KDM2B: variants seen among roughly 807,000 people sequenced by gnomAD.
The protein encoded by KDM2B is lysine-specific demethylase 2B.
KDM2B carries 26 observed loss-of-function variants against 150.0 expected under a neutral mutation model. That is an observed-to-expected ratio of 0.17 (90% CI 0.13 to 0.24). KDM2B has a LOEUF of 0.24. Among genes scored for constraint, KDM2B ranks in the 10% least tolerant of loss-of-function variants. The pLI, the probability that KDM2B is intolerant of heterozygous loss-of-function variation, is 1.00. For synonymous variants in KDM2B, 734 were observed against 729.5 expected (o/e 1.01, Z -0.10); for missense variants, 1,265 against 1,816.9 (o/e 0.70, Z 5.52).
intron 12 of KDM2B, among the ~76,000 whole-genome samples, chr12:121,481,763 T>TTTTTG (rs1555297926): frequency 5.4e-5 from 8 of 148,812 alleles, no homozygotes; most frequent in East Asian, 2.0e-4. Flanking sequence ...TTAGGGTTTT[T>TTTTTG]TTTGTTTGTT....
Position 121,580,438 on chromosome 12 carries a change from G to A in KDM2B, c.126+348C>T, listed in dbSNP as rs1309924900. 4.3e-6 allele frequency: 5 copies of A among 1,162,792 alleles called. No individual in the cohort carries two copies. In the African/African-American group the frequency reaches 8.0e-5, roughly 19 times the overall value. The allele number at this position is 1,162,792 out of a possible 1,614,324, so 72.0% of individuals were successfully genotyped here. A position where few individuals can be genotyped will look rare whatever the true frequency, so the allele number is the denominator to read the frequency against. ...AGGCACCGGGCGCCGTTAGCGCCGTGGCATCGCTGTTTTGTTGTTGGGTCA... is the reference window on the plus strand; with the variant it reads ...AGGCACCGGGCGCCGTTAGCGCCGTAGCATCGCTGTTTTGTTGTTGGGTCA... On this transcript the variant is annotated intron_variant, in intron 1 of 22. Transcript: ENST00000377071.
chr12:121,548,032 G>A (rs1555311057), intron 6 of KDM2B, among the ~76,000 whole-genome samples: 1 of 152,148 alleles, frequency 6.6e-6, no homozygotes, highest in Non-Finnish European at 1.5e-5. Context: ...CTTGAACATG[G>A]AGGGGCTCAA....
At chr12:121,471,380 C>A (rs1360779568) in intron 12 of KDM2B, among the ~76,000 whole-genome samples, 1 of 152,160 alleles carries the variant, frequency 6.6e-6, no homozygotes, top group Non-Finnish European at 1.5e-5. Flanking sequence ...AGTCCTCCTC[C>A]ATCACAATTG....
intron 4 of KDM2B, among the ~76,000 whole-genome samples, chr12:121,572,821 A>C (rs2136509503): frequency 7.9e-6 from 1 of 126,826 alleles, no homozygotes; most frequent in African/African-American, 3.0e-5. Flanking sequence ...CACCTGGATA[A>C]ATTTTTTTTT....
At chr12:121,455,016 C>T (rs1387925250) in intron 12 of KDM2B, among the ~76,000 whole-genome samples, 5 of 152,186 alleles carry the variant, frequency 3.3e-5, no homozygotes, top group Admixed American at 6.5e-5. Flanking sequence ...CTTTCTTCTC[C>T]AGTGCAGTGG....
rs1891935117 is a variant in KDM2B at position 121,580,981 on chromosome 12, T to A, written c.-70A>T. 15 of 1,563,100 alleles carry A rather than the reference T, an allele frequency of 9.6e-6. No homozygotes were observed. The highest frequency in any genetic ancestry group is 1.3e-5 in the Non-Finnish European group (15 of 1,157,472). On this transcript the variant is annotated 5_prime_UTR_variant, in exon 1 of 23. The change creates a new upstream start codon in the 5' untranslated region. Transcript: ENST00000377071. ...TCCATACCTATAAGGACTGCCTAAC[T>A]TTTAAACTCCCGGCACTCAAAGATG...
rs782532552 is a variant in KDM2B, at chr12:121,453,297, C to T, written c.1782G>A (p.Ala594=). 3.1e-6 allele frequency: 5 copies of T among 1,600,292 alleles called. No individual in the cohort carries two copies. The highest frequency in any genetic ancestry group is 1.1e-5 in the South Asian group (1 of 89,210). Residue 594 remains alanine, a synonymous_variant, in exon 13 of 23, where the codon GCG becomes GCA. Transcript: ENST00000377071. The surrounding 1 kb of genome is among the most constrained non-coding windows in gnomAD (Gnocchi z 6.4). ...TTGTCCGGTTGGCGGCCAACTTCAC[C>T]GCGGAGGCCGGGCCCAGCTTCCCCT... The part of the protein sequence containing the change: ...RPKGKLGPAS[A]VKLAANRTTA...
At chr12:121,564,766 T>C (rs903366725) in intron 4 of KDM2B, among the ~76,000 whole-genome samples, 16 of 152,130 alleles carry the variant, frequency 1.1e-4, no homozygotes, top group African/African-American at 3.9e-4. Flanking sequence ...GACAAGGTGA[T>C]TTTAAGATTC....
At chr12:121,523,965 C>T (rs1451389253) in intron 8 of KDM2B, among the ~76,000 whole-genome samples, 2 of 152,238 alleles carry the variant, frequency 1.3e-5, no homozygotes, top group Non-Finnish European at 2.9e-5. Flanking sequence ...CAGTCTCCTG[C>T]CTCTGCTGCC....
chr12:121,510,172 C>G, intron 10 of KDM2B, 133 bp from the exon 11 acceptor site: 2 of 780,818 alleles, frequency 2.6e-6, no homozygotes, highest in South Asian at 3.8e-5. Flanking sequence ...TGGTCAGTGC[C>G]TCCAGCCTCT....
chr12:121,429,078 G>A (rs1555284736), downstream of KDM2B: 1 of 152,630 alleles, frequency 6.6e-6, no homozygotes, highest in Non-Finnish European at 1.5e-5. Flanking sequence ...TACATCAGAT[G>A]AATCAGAAAT....
At chr12:121,415,391 T>G in the KDM2B span, 1 of 266,102 alleles carries the variant, frequency 3.8e-6, no homozygotes, top group Non-Finnish European at 8.4e-6. Flanking sequence ...GAGGCCAAGG[T>G]AGGCAGATCA....
intron 4 of KDM2B, among the ~76,000 whole-genome samples, chr12:121,559,020 A>T (rs1388927992): frequency 1.3e-5 from 2 of 152,170 alleles, no homozygotes; most frequent in Admixed American, 6.5e-5. Context: ...CCAGTGTTCA[A>T]GACTCCCAGT....
At chr12:121,466,885 C>T (rs1880059494) in intron 12 of KDM2B, among the ~76,000 whole-genome samples, 1 of 146,124 alleles carries the variant, frequency 6.8e-6, no homozygotes, top group African/African-American at 2.5e-5. Flanking sequence ...CGCCCGACGG[C>T]GAGGCCCGGC....
In KDM2B at chr12:121,539,725, GTGTT is replaced by G. The variant is rs562897963; in HGVS notation, c.684-5139_684-5136del. ...TCCACAAGCCTCATCAGCCCCTAAT[GTGTT>G]TGTTTGTTTGTTTGTCTGTTTGTTT... is the stretch of plus-strand genomic sequence containing the variant. On this transcript the variant is annotated intron_variant, in intron 6 of 22. Transcript: ENST00000377071. 9.9e-5 allele frequency among the ~76,000 whole-genome samples: 15 copies of G among 152,018 alleles called. No individual in the cohort carries two copies. The East Asian group carries it at 1.4e-3, about 14-fold the overall frequency.
At chr12:121,580,333 A>G (rs1891871990) in intron 1 of KDM2B, 1 of 956,020 alleles carries the variant, frequency 1.0e-6, no homozygotes, top group Non-Finnish European at 1.2e-6. Context: ...CGGCCGGGCT[A>G]TTTGGGGGGG....
intron 4 of KDM2B, among the ~76,000 whole-genome samples, chr12:121,556,453 C>T (rs1594119405): frequency 6.6e-6 from 1 of 152,320 alleles, no homozygotes; most frequent in East Asian, 1.9e-4. Flanking sequence ...CCCTCCCCTT[C>T]CATCATGACT....
Position 121,513,290 on chromosome 12 carries a change from T to C in KDM2B, c.1160A>G (p.Glu387Gly). Residue 387 changes from glutamate (E) to glycine (G), a missense_variant, in exon 10 of 23, where the codon GAG becomes GGG. This residue lies in a region of KDM2B where 154 missense variants were observed against 162.5 expected (regional missense o/e 0.95). Transcript: ENST00000377071. This position sits in a 1 kb window ranked among gnomAD's most constrained non-coding sequence, Gnocchi z 5.0. The part of the protein sequence containing the change: ...RSHLTQEYQR[E>G]SMLIDAPRKP... ...GGTTCACTCACCAATAAGCATCGAC[T>C]CCCTCTGGTATTCCTGAGTGAGGTG... 6.2e-7 allele frequency: 1 copy of C among 1,613,364 alleles called. No homozygotes were observed. Among genetic ancestry groups the C allele is most frequent in the Non-Finnish European group, 8.5e-7 (1 of 1,179,798 alleles).
At chr12:121,573,839 G>A (rs185795842) in intron 4 of KDM2B, among the ~76,000 whole-genome samples, 35 of 149,474 alleles carry the variant, frequency 2.3e-4, no homozygotes, top group African/African-American at 6.4e-4. Context: ...CACCCGCCTC[G>A]GCCTCCCAAA....
Sources: allele counts gnomAD v4.1 joint callset (sites outside exome capture counted in the v4.1 genomes callset), GRCh38; gene constraint gnomAD v4.1.1; regional missense constraint gnomAD v4.1.1; non-coding constraint Gnocchi (gnomAD v3.1); transcripts MANE v1.5; gene names NCBI Gene and HGNC (gene_info 2026-07-23, HGNC 2026-07-21).